The following KIAA1217 variants were observed in gnomAD, a reference collection of about 807,000 sequenced individuals.
KIAA1217 encodes sickle tail protein homolog.
Under a neutral mutation model 163.9 loss-of-function variants are expected in KIAA1217, and 88 were observed. The ratio of observed to expected loss-of-function variants is 0.54; its 90% CI spans 0.45 to 0.64. The LOEUF (loss-of-function observed/expected upper bound fraction) is 0.64, where lower values mean the gene tolerates loss of function less well. KIAA1217 is among the 30% of genes least tolerant of loss of function. The pLI is 0.00. For synonymous variants in KIAA1217, 903 were observed against 923.1 expected (o/e 0.98, Z 0.39); for missense variants, 2,372 against 2,475.0 (o/e 0.96, Z 0.88).
rs2064171657 is a variant in KIAA1217, at chr10:24,477,458, C to T, written c.1679+3398C>T. Reference sequence around the variant, plus strand: ...ATTCTACATATTCCATGCTGTTTACCACTGTGCAGTATTCTGCCTTGCAAA... The same window carrying T: ...ATTCTACATATTCCATGCTGTTTACTACTGTGCAGTATTCTGCCTTGCAAA... On this transcript the variant is annotated intron_variant, in intron 6 of 20. Transcript: ENST00000376454. Among the ~76,000 whole-genome samples the T allele has an allele frequency of 2.0e-5, 3 of 152,176 alleles. No individual in the cohort carries two copies. In the South Asian group the frequency reaches 6.2e-4, roughly 32 times the overall value.
intron 2 of KIAA1217, among the ~76,000 whole-genome samples, chr10:24,232,096 A>C (rs1324276457): frequency 3.9e-5 from 6 of 152,210 alleles, no homozygotes; most frequent in Admixed American, 1.3e-4. Context: ...CACGTGGCCG[A>C]GGACTGACAC....
chr10:23,717,047 C>T (rs965629267), intron 1 of KIAA1217, among the ~76,000 whole-genome samples: 5 of 152,160 alleles, frequency 3.3e-5, no homozygotes, highest in African/African-American at 1.2e-4. Flanking sequence ...ACTAACCACA[C>T]AAAAACTACA....
At chr10:24,399,777 A>G (rs942237846) in intron 3 of KIAA1217, among the ~76,000 whole-genome samples, 2 of 152,258 alleles carry the variant, frequency 1.3e-5, no homozygotes, top group Non-Finnish European at 2.9e-5. Context: ...CTAGCAATAT[A>G]GCAGCATGAG....
chr10:24,379,758 A>G (rs1399687831), intron 2 of KIAA1217, among the ~76,000 whole-genome samples: 1 of 151,750 alleles, frequency 6.6e-6, no homozygotes, highest in East Asian at 1.9e-4. Context: ...TTGTTCAAAA[A>G]TCATTAATAA....
intron 1 of KIAA1217, among the ~76,000 whole-genome samples, chr10:23,742,003 A>G (rs567621486): frequency 3.3e-5 from 5 of 152,266 alleles, no homozygotes; most frequent in East Asian, 1.9e-4. Context: ...CCATCACTCA[A>G]TGCTCTAGAG....
intron 1 of KIAA1217, among the ~76,000 whole-genome samples, chr10:23,960,549 G>C (rs991576808): frequency 6.6e-6 from 1 of 152,146 alleles, no homozygotes; most frequent in Non-Finnish European, 1.5e-5. Flanking sequence ...GAGCCACCAC[G>C]CCTGGCTACG....
intron 1 of KIAA1217, among the ~76,000 whole-genome samples, chr10:23,808,754 C>A (rs1305574772): frequency 6.6e-6 from 1 of 152,104 alleles, no homozygotes; most frequent in African/African-American, 2.4e-5. Flanking sequence ...GAGAAAGAAG[C>A]AATTTTCAAA....
At chr10:24,271,810 T>A (rs12776859) in intron 2 of KIAA1217, among the ~76,000 whole-genome samples, 2,057 of 152,046 alleles carry the variant, frequency 0.014, 29 homozygotes, top group Non-Finnish European at 0.021. Context: ...TTTAATAAAC[T>A]TTCCCCCTGT....
chr10:23,853,055 C>A (rs952105806), intron 1 of KIAA1217, among the ~76,000 whole-genome samples: 89 of 152,208 alleles, frequency 5.8e-4, no homozygotes, highest in African/African-American at 1.4e-3. Context: ...ACTATGTTGA[C>A]TAGGAGTGGT....
intron 1 of KIAA1217, among the ~76,000 whole-genome samples, chr10:23,752,307 T>G (rs1238125042): frequency 1.3e-5 from 2 of 152,218 alleles, no homozygotes; most frequent in Admixed American, 6.5e-5. Flanking sequence ...TTTTGGTTCC[T>G]GAGACATTTA....
intron 9 of KIAA1217, among the ~76,000 whole-genome samples, chr10:24,512,283 C>G (rs142524632): frequency 6.6e-6 from 1 of 152,040 alleles, no homozygotes; most frequent in African/African-American, 2.4e-5. Flanking sequence ...TCCATGAAAC[C>G]GGAAAACAGG....
At chr10:23,756,211 C>A (rs555410197) in intron 1 of KIAA1217, among the ~76,000 whole-genome samples, 1 of 151,894 alleles carries the variant, frequency 6.6e-6, no homozygotes, top group Non-Finnish European at 1.5e-5. Flanking sequence ...GATCCTCCCA[C>A]TTCAGCCTTC....
chr10:24,086,030 T>A (rs149629217), intron 2 of KIAA1217, among the ~76,000 whole-genome samples: 12 of 151,426 alleles, frequency 7.9e-5, no homozygotes, highest in African/African-American at 2.9e-4. Context: ...TGCTCCTCCC[T>A]GCCCCACTAC....
chr10:23,737,677 T>C (rs1838890617), intron 1 of KIAA1217, among the ~76,000 whole-genome samples: 1 of 152,204 alleles, frequency 6.6e-6, no homozygotes, highest in South Asian at 2.1e-4. Context: ...GATGAAATTT[T>C]GCTTTCTGTT....
intron 1 of KIAA1217, among the ~76,000 whole-genome samples, chr10:23,713,885 C>A (rs1431036186): frequency 6.6e-6 from 1 of 152,134 alleles, no homozygotes; most frequent in Non-Finnish European, 1.5e-5. Flanking sequence ...AAACCTAATT[C>A]ACATCTGCTT....
intron 1 of KIAA1217, among the ~76,000 whole-genome samples, chr10:23,944,685 A>G (rs4420167): frequency 0.43 from 64,799 of 152,128 alleles, 16,985 homozygotes; most frequent in African/African-American, 0.75. Flanking sequence ...CACCAACTAT[A>G]GGTGAGAATA....
At position 23,880,379 on chromosome 10, in the gene KIAA1217, T is replaced by C. The variant is rs544337161; in HGVS notation, c.-320-126846T>C. ...GACGAACATCACCTGTTCTCACTTATCTGTGGGAGCTAAAAATTAAAACAA... is the reference window on the plus strand; with the variant it reads ...GACGAACATCACCTGTTCTCACTTACCTGTGGGAGCTAAAAATTAAAACAA... On this transcript the variant is annotated intron_variant, in intron 1 of 18. Coordinates refer to the KIAA1217 transcript ENST00000376462. Among the ~76,000 whole-genome samples the C allele has an allele frequency of 5.3e-5, 8 of 152,020 alleles. 1 individual carries two copies. The South Asian group carries it at 1.5e-3, about 28-fold the overall frequency.
Position 24,473,306 on chromosome 10 carries a change from G to A in KIAA1217, c.925G>A (p.Ala309Thr), listed in dbSNP as rs372241782. Residue 309 changes from alanine to threonine, a missense_variant, in exon 6 of 21, where the codon GCG becomes ACG. Ala to Thr is a moderately conservative substitution (Grantham distance 58). Coordinates refer to ENST00000376454, the MANE Select transcript of KIAA1217 (RefSeq NM_019590.5). Reference protein sequence around the residue: ...RPGSTAHPPHAIPNSPPSTPV... With the variant: ...RPGSTAHPPHTIPNSPPSTPV... Reference sequence around the variant, plus strand: ...CGGATCTACTGCTCATCCACCCCATGCGATTCCAAATTCCCCACCGTCTAC... The same window carrying A: ...CGGATCTACTGCTCATCCACCCCATACGATTCCAAATTCCCCACCGTCTAC... The A allele has an allele frequency of 6.4e-7, 1 of 1,556,104 alleles. No homozygotes were observed. The highest frequency in any genetic ancestry group is 8.7e-7 in the Non-Finnish European group (1 of 1,151,254).
intron 1 of KIAA1217, among the ~76,000 whole-genome samples, chr10:23,697,418 C>T (rs1421413783): frequency 6.6e-6 from 1 of 152,108 alleles, no homozygotes; most frequent in Non-Finnish European, 1.5e-5. Context: ...GGAAGACTTT[C>T]CTTGGTTTTA....
Sources: gnomAD v4.1 joint callset for allele counts (sites outside exome capture counted in the v4.1 genomes callset) on GRCh38, gnomAD v4.1.1 for gene constraint, MANE v1.5 for transcripts, NCBI Gene and HGNC (gene_info 2026-07-23, HGNC 2026-07-21) for gene names.